Variants in AHCYL2 observed in about 807,000 individuals in gnomAD.
AHCYL2 encodes S-adenosylhomocysteine hydrolase-like protein 2.
In AHCYL2, 28 loss-of-function variants were observed where a neutral mutation model predicts 81.4. The ratio of observed to expected loss-of-function variants is 0.34; its 90% CI spans 0.25 to 0.47. The LOEUF (loss-of-function observed/expected upper bound fraction) is 0.47, where lower values mean the gene tolerates loss of function less well. Ranked by LOEUF, AHCYL2 falls within the 20% of genes least tolerant of loss-of-function variation. The pLI, the probability that AHCYL2 is intolerant of heterozygous loss-of-function variation, is 1.00. For missense variants in AHCYL2, 551 were observed against 785.1 expected (o/e 0.70, Z 3.56); for synonymous variants, 272 against 290.2 (o/e 0.94, Z 0.64).
intron 1 of AHCYL2, among the ~76,000 whole-genome samples, chr7:129,357,971 A>G (rs895819159): frequency 2.0e-5 from 3 of 151,496 alleles, no homozygotes; most frequent in Non-Finnish European, 4.4e-5. Context: ...TCAAATAGAT[A>G]TTTGCACATC....
intron 1 of AHCYL2, among the ~76,000 whole-genome samples, chr7:129,337,330 T>C (rs369284817): frequency 6.6e-6 from 1 of 152,184 alleles, no homozygotes; most frequent in African/African-American, 2.4e-5. Flanking sequence ...TCAAAACATA[T>C]ATAGCTGCCT....
At chr7:129,382,514 C>A (rs1195459620) in intron 2 of AHCYL2, among the ~76,000 whole-genome samples, 2 of 151,380 alleles carry the variant, frequency 1.3e-5, no homozygotes, top group African/African-American at 2.4e-5. Flanking sequence ...GCATGAGAAT[C>A]GCTTGAACCC....
At chr7:129,405,788 G>A in intron 8 of AHCYL2, 48 bp from the exon 9 acceptor site, 1 of 1,554,844 alleles carries the variant, frequency 6.4e-7, no homozygotes, top group Non-Finnish European at 8.8e-7. Context: ...AACCTCAAGG[G>A]AGAAACAAGA....
intron 1 of AHCYL2, among the ~76,000 whole-genome samples, chr7:129,319,230 T>C (rs1429638977): frequency 6.6e-6 from 1 of 151,924 alleles, no homozygotes; most frequent in East Asian, 1.9e-4. Flanking sequence ...CCAAGGCAGG[T>C]GGATCACTTG....
intron 1 of AHCYL2, among the ~76,000 whole-genome samples, chr7:129,287,431 C>A (rs1301751963): frequency 6.6e-6 from 1 of 152,200 alleles, no homozygotes; most frequent in Non-Finnish European, 1.5e-5. Flanking sequence ...AGCAGTATAA[C>A]ATCCAGACTC....
At position 129,310,836 on chromosome 7, in the gene AHCYL2, G is replaced by A. The variant is rs144571111; in HGVS notation, c.364-68802G>A. ...ATATAACAGACTTGATGGGCCAGGC[G>A]TGGTGGGTCATGCTTGTAATTCTAG... is the stretch of plus-strand genomic sequence containing the variant. On this transcript the variant is annotated intron_variant, in intron 1 of 16. Transcript: ENST00000325006. Among the ~76,000 whole-genome samples the A allele has an allele frequency of 5.8e-3, 887 of 152,230 alleles. 7 individuals are homozygous for A. The highest frequency in any genetic ancestry group is 0.02 in the African/African-American group (835 of 41,526).
intron 1 of AHCYL2, among the ~76,000 whole-genome samples, chr7:129,240,884 A>G (rs1794826875): frequency 6.6e-6 from 1 of 152,102 alleles, no homozygotes; most frequent in Non-Finnish European, 1.5e-5. Flanking sequence ...AAAGAGATGT[A>G]ATTTTCATTT....
At chr7:129,282,536 T>TA (rs1430255144) in intron 1 of AHCYL2, among the ~76,000 whole-genome samples, 1 of 152,220 alleles carries the variant, frequency 6.6e-6, no homozygotes, top group Non-Finnish European at 1.5e-5. Context: ...TTATTCTTTT[T>TA]ATCTGTAGAA....
chr7:129,256,131 C>T (rs1795411666), intron 1 of AHCYL2, among the ~76,000 whole-genome samples: 1 of 152,084 alleles, frequency 6.6e-6, no homozygotes, highest in South Asian at 2.1e-4. Context: ...TTTCTGATGA[C>T]TTGTAATAAA....
intron 1 of AHCYL2, among the ~76,000 whole-genome samples, chr7:129,373,030 T>C (rs1281690082): frequency 6.6e-6 from 1 of 152,118 alleles, no homozygotes; most frequent in Non-Finnish European, 1.5e-5. Context: ...TTCAGACTGG[T>C]AGCATCAGCG....
At chr7:129,231,764 G>A (rs929788442) in intron 1 of AHCYL2, among the ~76,000 whole-genome samples, 3 of 152,138 alleles carry the variant, frequency 2.0e-5, no homozygotes, top group Non-Finnish European at 2.9e-5. Flanking sequence ...AGCAGAAAGC[G>A]GCAGTGGATT....
At chr7:129,396,191 C>T (rs913692181) in intron 4 of AHCYL2, among the ~76,000 whole-genome samples, 4 of 152,064 alleles carry the variant, frequency 2.6e-5, no homozygotes, top group African/African-American at 4.8e-5. Context: ...GGCACAATCT[C>T]GGCTCACTGC....
chr7:129,314,645 A>G (rs1475677242), intron 1 of AHCYL2, among the ~76,000 whole-genome samples: 1 of 152,228 alleles, frequency 6.6e-6, no homozygotes, highest in African/African-American at 2.4e-5. Context: ...TTCAGTCCTC[A>G]TGACCTAATC....
At chr7:129,231,750 G>A (rs1794448858) in intron 1 of AHCYL2, among the ~76,000 whole-genome samples, 1 of 152,188 alleles carries the variant, frequency 6.6e-6, no homozygotes, top group South Asian at 2.1e-4. Flanking sequence ...TTTGGTGAGA[G>A]CAGAGCAGAA....
At chr7:129,358,339 C>T (rs955330462) in intron 1 of AHCYL2, among the ~76,000 whole-genome samples, 1 of 151,678 alleles carries the variant, frequency 6.6e-6, no homozygotes, top group African/African-American at 2.4e-5. Context: ...TTCCTGTGAG[C>T]AGAGATCGCG....
chr7:129,426,617 C>A lies in AHCYL2; in HGVS notation c.1829+54C>A. On this transcript the variant is annotated intron_variant, in intron 16 of 16. Coordinates refer to ENST00000325006, the MANE Select transcript of AHCYL2 (RefSeq NM_015328.4). The surrounding 1 kb of genome is among the most constrained non-coding windows in gnomAD (Gnocchi z 4.3). ...CACCTGGGCAGTGATGAGCTTCCTGCACTGGAATTGGTCTTTGCATCCCCA... is the reference window on the plus strand; with the variant it reads ...CACCTGGGCAGTGATGAGCTTCCTGAACTGGAATTGGTCTTTGCATCCCCA... 1 of 1,584,626 alleles carries A rather than the reference C, an allele frequency of 6.3e-7. No homozygotes were observed. The highest frequency in any genetic ancestry group is 1.2e-5 in the South Asian group (1 of 85,566).
At chr7:129,245,945 T>C (rs902999301) in intron 1 of AHCYL2, among the ~76,000 whole-genome samples, 1 of 152,242 alleles carries the variant, frequency 6.6e-6, no homozygotes, top group African/African-American at 2.4e-5. Context: ...CCATAGCAAC[T>C]GCACTGTTTT....
At chr7:129,411,679 A>T (rs1796585233) in intron 11 of AHCYL2, among the ~76,000 whole-genome samples, 1 of 151,774 alleles carries the variant, frequency 6.6e-6, no homozygotes, top group South Asian at 2.1e-4. Flanking sequence ...GAATTGCTTG[A>T]ACCTGGAAGG....
chr7:129,266,839 G>T (rs1395575899), intron 1 of AHCYL2, among the ~76,000 whole-genome samples: 2 of 152,012 alleles, frequency 1.3e-5, no homozygotes, highest in Non-Finnish European at 2.9e-5. Context: ...TGCTACAAAA[G>T]ATATTAAACA....
Sources: allele counts gnomAD v4.1 joint callset (sites outside exome capture counted in the v4.1 genomes callset), GRCh38; gene constraint gnomAD v4.1.1; non-coding constraint Gnocchi (gnomAD v3.1); transcripts MANE v1.5; gene names NCBI Gene and HGNC (gene_info 2026-07-23, HGNC 2026-07-21).